The following CFAP53 variants were observed in gnomAD, a reference collection of about 807,000 sequenced individuals.
CFAP53 encodes cilia- and flagella-associated protein 53.
A neutral mutation model predicts 59.7 loss-of-function variants in CFAP53; 62 were observed. The ratio of observed to expected loss-of-function variants is 1.04; its 90% CI spans 0.85 to 1.28. The LOEUF is 1.28. CFAP53 is among the 50% of genes most tolerant of loss of function. The pLI is 0.00. For missense variants in CFAP53, 629 were observed against 615.6 expected (o/e 1.02, Z -0.23); for synonymous variants, 218 against 205.7 (o/e 1.06, Z -0.51).
chr18:50,260,935 T>C lies in CFAP53; in HGVS notation c.473+129A>G, dbSNP rs556755580. On this transcript the variant is annotated intron_variant, in intron 3 of 7. Transcript: ENST00000398545. Reference sequence around the variant, plus strand: ...GTATTATTCAATGATATGTAATATATTGCCAAGACTTAAAGTTACAACTAC... The same window carrying C: ...GTATTATTCAATGATATGTAATATACTGCCAAGACTTAAAGTTACAACTAC... The C allele has an allele frequency of 2.8e-5, 23 of 825,436 alleles. No individual in the cohort carries two copies. In the Admixed American group the frequency reaches 4.0e-4, roughly 14 times the overall value. 51.1% of individuals were successfully genotyped at this position (825,436 alleles called of 1,614,324 possible).
chr18:50,251,276 G>A (rs932793083), intron 4 of CFAP53, among the ~76,000 whole-genome samples: 6 of 152,126 alleles, frequency 3.9e-5, no homozygotes, highest in Non-Finnish European at 8.8e-5. Flanking sequence ...TCCACCTGTG[G>A]GTGCGTTGGC....
chr18:50,262,697 GAATA>G (rs1054174392), intron 1 of CFAP53, among the ~76,000 whole-genome samples: 2 of 152,028 alleles, frequency 1.3e-5, no homozygotes, highest in East Asian at 1.9e-4. Context: ...GCTACTATGC[GAATA>G]TATAGAAAAA....
chr18:50,253,648 A>AT (rs2033821614), intron 3 of CFAP53, among the ~76,000 whole-genome samples: 1 of 152,120 alleles, frequency 6.6e-6, no homozygotes, highest in Non-Finnish European at 1.5e-5. Context: ...CTGCAAATTT[A>AT]TTTTTATTAT....
intron 7 of CFAP53, among the ~76,000 whole-genome samples, chr18:50,236,468 A>G (rs1326246602): frequency 6.6e-6 from 1 of 152,204 alleles, no homozygotes; most frequent in Non-Finnish European, 1.5e-5. Flanking sequence ...CTTTTGGAAT[A>G]TGGTAGAAGT....
chr18:50,259,172 T>C (rs547963595), intron 3 of CFAP53, among the ~76,000 whole-genome samples: 13 of 152,316 alleles, frequency 8.5e-5, no homozygotes, highest in South Asian at 8.3e-4. Flanking sequence ...GTAGTGCTGT[T>C]TACAACAGCT....
intron 5 of CFAP53, among the ~76,000 whole-genome samples, chr18:50,243,959 A>C (rs764791638): frequency 6.6e-5 from 10 of 152,092 alleles, no homozygotes; most frequent in South Asian, 4.2e-4. Flanking sequence ...TTCAAAAAAA[A>C]AAAAACAAAA....
At chr18:50,231,445 A>C (rs954701717) in intron 7 of CFAP53, among the ~76,000 whole-genome samples, 1 of 152,174 alleles carries the variant, frequency 6.6e-6, no homozygotes. Flanking sequence ...TTCCCAACTT[A>C]GGAACCTCAG....
chr18:50,256,068 T>A (rs185612663), intron 3 of CFAP53: 1 of 152,210 alleles, frequency 6.6e-6, no homozygotes, highest in South Asian at 2.1e-4. Context: ...ATAGGATACA[T>A]TCGTTTCTTT....
At chr18:50,247,340 C>T (rs1294780214) in intron 5 of CFAP53, among the ~76,000 whole-genome samples, 2 of 152,276 alleles carry the variant, frequency 1.3e-5, no homozygotes, top group Middle Eastern at 6.8e-3. Context: ...AATCAAAACC[C>T]TCATACACTG....
At chr18:50,238,089 T>C (rs1319633492) in intron 7 of CFAP53, among the ~76,000 whole-genome samples, 2 of 152,238 alleles carry the variant, frequency 1.3e-5, no homozygotes, top group South Asian at 2.1e-4. Context: ...AATCATAATA[T>C]ACATAATGGC....
chr18:50,242,768 G>A, intron 6 of CFAP53, 132 bp downstream of exon 6: 1 of 725,188 alleles, frequency 1.4e-6, no homozygotes. Flanking sequence ...GCAATAACAG[G>A]CCTCCTGCCT....
chr18:50,241,291 G>A (rs1158018610), intron 6 of CFAP53, among the ~76,000 whole-genome samples: 1 of 152,144 alleles, frequency 6.6e-6, no homozygotes, highest in African/African-American at 2.4e-5. Flanking sequence ...CTTTGAGTAT[G>A]GTCTCCAAAT....
chr18:50,233,782 GAT>G (rs2033604971), intron 7 of CFAP53, among the ~76,000 whole-genome samples: 1 of 152,204 alleles, frequency 6.6e-6, no homozygotes, highest in Non-Finnish European at 1.5e-5. Context: ...GGCACTCAAA[GAT>G]AACATTATAT....
At chr18:50,240,711 C>A (rs577069999) in intron 6 of CFAP53, among the ~76,000 whole-genome samples, 1 of 152,222 alleles carries the variant, frequency 6.6e-6, no homozygotes, top group Non-Finnish European at 1.5e-5. Flanking sequence ...AAACTTTCTA[C>A]GCAGTTTCTA....
intron 7 of CFAP53, among the ~76,000 whole-genome samples, chr18:50,230,021 G>A (rs192191336): frequency 6.6e-6 from 1 of 152,164 alleles, no homozygotes; most frequent in African/African-American, 2.4e-5. Flanking sequence ...GCCTCCCAAA[G>A]TGGTGGGATT....
chr18:50,245,916 G>A (rs2033739308), intron 5 of CFAP53, among the ~76,000 whole-genome samples: 1 of 152,050 alleles, frequency 6.6e-6, no homozygotes, highest in Non-Finnish European at 1.5e-5. Flanking sequence ...CAATGGTGGA[G>A]TGTCACTCTT....
Position 50,266,467 on chromosome 18 carries a change from C to T in CFAP53, c.-63G>A, listed in dbSNP as rs1296802606. The stretch of plus-strand genomic sequence containing the variant: ...CGTTTCCCCCAACCGTGGCGACCTG[C>T]GGGACCCGCTTCCGCGACGCAGAAG... On this transcript the variant is annotated 5_prime_UTR_variant, in exon 1 of 8. Transcript: ENST00000398545. 28 of 1,524,480 alleles carry T rather than the reference C, an allele frequency of 1.8e-5. No homozygotes were observed. Among genetic ancestry groups the T allele is most frequent in the Non-Finnish European group, 2.1e-5 (23 of 1,098,796 alleles). 94.4% of individuals were successfully genotyped at this position (1,524,480 alleles called of 1,614,324 possible). A position where few individuals can be genotyped will look rare whatever the true frequency, so the allele number is the denominator to read the frequency against.
chr18:50,229,248 C>T (rs2033556580), intron 7 of CFAP53, among the ~76,000 whole-genome samples: 1 of 152,314 alleles, frequency 6.6e-6, no homozygotes, highest in East Asian at 1.9e-4. Context: ...CTCTTTTCTC[C>T]CCACAACCCC....
chr18:50,254,199 T>C (rs2033826344), intron 3 of CFAP53, among the ~76,000 whole-genome samples: 1 of 149,502 alleles, frequency 6.7e-6, no homozygotes, highest in East Asian at 2.0e-4. Flanking sequence ...AAGTACTGTC[T>C]AGAATACATA....
Sources: allele counts gnomAD v4.1 joint callset (sites outside exome capture counted in the v4.1 genomes callset), GRCh38; gene constraint gnomAD v4.1.1; transcripts MANE v1.5; gene names NCBI Gene and HGNC (gene_info 2026-07-23, HGNC 2026-07-21).